The following GFRA3 variants were observed in gnomAD, a reference collection of about 807,000 sequenced individuals.
The protein encoded by GFRA3 is GDNF family receptor alpha 3.
Under a neutral mutation model 40.0 loss-of-function variants are expected in GFRA3, and 24 were observed. The observed-to-expected ratio is 0.60, with a 90% confidence interval of 0.43 to 0.84. GFRA3 has a LOEUF of 0.84. GFRA3 is among the 40% of genes least tolerant of loss of function. The pLI, the probability that GFRA3 is intolerant of heterozygous loss-of-function variation, is 0.00. For synonymous variants in GFRA3, 203 were observed against 213.5 expected (o/e 0.95, Z 0.43); for missense variants, 405 against 530.6 (o/e 0.76, Z 2.33).
At chr5:138,272,538 G>A (rs550910147) in intron 1 of GFRA3, among the ~76,000 whole-genome samples, 22 of 151,064 alleles carry the variant, frequency 1.5e-4, no homozygotes, top group South Asian at 2.1e-4. Context: ...AGCTACTGGG[G>A]AGGCTGAGGC....
rs748575995 is a variant in GFRA3, at chr5:138,253,283, C to A, written c.1113+4G>T. 6.4e-7 allele frequency: 1 copy of A among 1,571,022 alleles called. No individual in the cohort carries two copies. The highest frequency in any genetic ancestry group is 8.7e-7 in the Non-Finnish European group (1 of 1,150,874). ...TCTGAGGGGTGTAACAGAGGAGGCC[C>A]TACCTGGTGTGCCATCACAGCAAAG... On this transcript the variant is annotated splice_donor_region_variant and intron_variant, in intron 7 of 7. Coordinates refer to ENST00000274721, the MANE Select transcript of GFRA3 (RefSeq NM_001496.4).
chr5:138,253,677 C>T (rs1755583629), intron 6 of GFRA3, 89 bp downstream of exon 6: 2 of 1,263,908 alleles, frequency 1.6e-6, no homozygotes, highest in South Asian at 2.7e-5. Context: ...ATGGATGGAA[C>T]CAGCCTGGGC....
In GFRA3 at chr5:138,257,710, G is replaced by T; in HGVS notation, c.714C>A (p.Asn238Lys). Reference sequence around the variant, plus strand: ...TGGGGGCCACAGGCGGCAGCGCGCAGTTGGGGGCGATGGTGTTGCGCCGGC... The same window carrying T: ...TGGGGGCCACAGGCGGCAGCGCGCATTTGGGGGCGATGGTGTTGCGCCGGC... ...GERRRNTIAP[N>K]CALPPVAPNC... Residue 238 changes from asparagine to lysine, a missense_variant, in exon 4 of 8, where the codon AAC (asparagine) becomes AAA (lysine). Asn to Lys is a moderately conservative substitution (Grantham distance 94, BLOSUM62 0). Transcript: ENST00000274721. 6.2e-7 allele frequency: 1 copy of T among 1,610,982 alleles called. No individual in the cohort carries two copies. The highest frequency in any genetic ancestry group is 1.3e-5 in the African/African-American group (1 of 74,980).
chr5:138,256,290 A>C (rs1265473563), intron 4 of GFRA3, among the ~76,000 whole-genome samples: 1 of 151,384 alleles, frequency 6.6e-6, no homozygotes, highest in African/African-American at 2.4e-5. Context: ...GCACTTTGGG[A>C]GGCTGAGGCG....
Position 138,254,089 on chromosome 5 carries a change from G to T in GFRA3, c.857C>A (p.Ser286Tyr). 6.2e-7 allele frequency: 1 copy of T among 1,612,512 alleles called. No individual in the cohort carries two copies. The highest frequency in any genetic ancestry group is 8.5e-7 in the Non-Finnish European group (1 of 1,178,642). ...DILGTCATEQSRCLRAYLGLI... is the reference protein window; with the variant it reads ...DILGTCATEQYRCLRAYLGLI... ...CCCCAGGTATGCTCGTAGACATCTG[G>T]ACTGCTCTGTTGCACAAGTTCCTAG... The change falls in exon 5 of 8, where the codon TCC becomes TAC. Residue 286 changes from serine to tyrosine, a missense_variant. Physicochemically the swap from Ser to Tyr is moderately radical, Grantham distance 144 (BLOSUM62 -2). Coordinates refer to ENST00000274721, the MANE Select transcript of GFRA3 (RefSeq NM_001496.4).
chr5:138,272,516 T>A (rs1755891130), intron 1 of GFRA3, among the ~76,000 whole-genome samples: 1 of 150,076 alleles, frequency 6.7e-6, no homozygotes, highest in Non-Finnish European at 1.5e-5. Context: ...GGTGGCACAC[T>A]ACTACAGTCC....
intron 1 of GFRA3, among the ~76,000 whole-genome samples, chr5:138,268,284 GAAAAAAA>G (rs60958894): frequency 3.0e-5 from 1 of 33,148 alleles, no homozygotes; most frequent in Admixed American, 6.1e-4. Context: ...GACTCCATCT[GAAAAAAA>G]AAAAAAAAAA....
At chr5:138,260,491 G>A (rs150965459) in intron 2 of GFRA3, among the ~76,000 whole-genome samples, 262 of 152,270 alleles carry the variant, frequency 1.7e-3, no homozygotes, top group African/African-American at 4.6e-3. Context: ...ATGGGGTGCC[G>A]GGCACGGTGG....
intron 4 of GFRA3, 39 bp from the exon 5 acceptor site, chr5:138,254,199 T>A: frequency 7.8e-7 from 1 of 1,280,964 alleles, no homozygotes. Context: ...TTTTTTTTTT[T>A]TTTTGAGATG....
At chr5:138,262,547 G>A (rs546061435) in intron 2 of GFRA3, among the ~76,000 whole-genome samples, 1 of 152,156 alleles carries the variant, frequency 6.6e-6, no homozygotes, top group South Asian at 2.1e-4. Flanking sequence ...CAACCTCCTG[G>A]ACTCAAGTGA....
At chr5:138,258,435 G>A (rs986896550) in intron 3 of GFRA3, among the ~76,000 whole-genome samples, 3 of 151,892 alleles carry the variant, frequency 2.0e-5, no homozygotes, top group African/African-American at 7.3e-5. Flanking sequence ...GCCCATCTCG[G>A]CCTCCCAAAG....
intron 2 of GFRA3, among the ~76,000 whole-genome samples, chr5:138,262,827 G>A (rs1319097126): frequency 1.3e-5 from 2 of 152,046 alleles, no homozygotes; most frequent in Non-Finnish European, 2.9e-5. Flanking sequence ...TGCTGAGTAC[G>A]TATAGGAAGC....
At position 138,271,925 on chromosome 5, in the gene GFRA3, G is replaced by T. The variant is rs1402532582; in HGVS notation, c.91+2409C>A. On this transcript the variant is annotated intron_variant, in intron 1 of 7. Transcript: ENST00000274721. ...TTTTTTTTTTTTTTTGTGTGTGTGT[G>T]TGTGTGTGTGTGTGTGTGTGGTTTG... 9.9e-5 allele frequency among the ~76,000 whole-genome samples: 12 copies of T among 121,770 alleles called. No homozygotes were observed. In the East Asian group the frequency reaches 1.6e-3, roughly 16 times the overall value. The allele number at this position is 121,770 out of a possible 152,430, so 79.9% of individuals were successfully genotyped here. A position where few individuals can be genotyped will look rare whatever the true frequency, so the allele number is the denominator to read the frequency against.
rs1165857286 is a variant in GFRA3, at chr5:138,257,576, C to A, written c.785+63G>T. 12 of 1,426,576 alleles carry A rather than the reference C, an allele frequency of 8.4e-6. No individual in the cohort carries two copies. In the East Asian group the frequency reaches 2.9e-4, roughly 35 times the overall value. 88.4% of individuals were successfully genotyped at this position (1,426,576 alleles called of 1,614,324 possible). ...GGTCAGACCCTGCTCAGCACAGGAA[C>A]GTGGCCAGGAAGGAGTGGCGTGTGC... On this transcript the variant is annotated intron_variant, in intron 4 of 7. Coordinates refer to ENST00000274721, the MANE Select transcript of GFRA3 (RefSeq NM_001496.4).
chr5:138,271,913 T>TTGTGTGTGTGTGTGTGTG (rs1554111238), intron 1 of GFRA3, among the ~76,000 whole-genome samples: 67 of 54,262 alleles, frequency 1.2e-3, no homozygotes, highest in South Asian at 2.2e-3. Context: ...TTTTTTTTTT[T>TTGTGTGTGTGTGTGTGTG]TGTGTGTGTG....
chr5:138,252,583 A>G lies in GFRA3; in HGVS notation c.*385T>C. 6.2e-6 allele frequency: 1 copy of G among 160,884 alleles called. No individual in the cohort carries two copies. The highest frequency in any genetic ancestry group is 6.2e-5 in the Admixed American group (1 of 16,098). 10.0% of individuals were successfully genotyped at this position (160,884 alleles called of 1,614,324 possible). On this transcript the variant is annotated 3_prime_UTR_variant, in exon 8 of 8. Coordinates refer to ENST00000274721, the MANE Select transcript of GFRA3 (RefSeq NM_001496.4). ...GGAGCCTTCTTCACAAAGGAGAATG[A>G]CTTTCTAGGCTGCCTCAGAACACCC...
Position 138,274,399 on chromosome 5 carries a change from G to A in GFRA3, c.26C>T (p.Pro9Leu). 7.6e-7 allele frequency: 1 copy of A among 1,313,992 alleles called. No homozygotes were observed. The allele number at this position is 1,313,992 out of a possible 1,614,324, so 81.4% of individuals were successfully genotyped here. A position where few individuals can be genotyped will look rare whatever the true frequency, so the allele number is the denominator to read the frequency against. MVRPLNPR[P>L]LPPVVLMLLL... is the part of the protein sequence containing the mutation. ...CAACATCAGGACTACGGGCGGCAGC[G>A]GTCGCGGGTTCAGGGGGCGCACCAT... Residue 9 changes from proline (P) to leucine (L), a missense_variant, in exon 1 of 8, where the codon CCG becomes CTG. Physicochemically the swap from Pro to Leu is moderately conservative, Grantham distance 98. Transcript: ENST00000274721.
chr5:138,262,987 C>A (rs990803707), intron 2 of GFRA3, among the ~76,000 whole-genome samples: 2 of 151,948 alleles, frequency 1.3e-5, no homozygotes, highest in Admixed American at 1.3e-4. Flanking sequence ...TTTTTCGAGA[C>A]AGAGTCTCGC....
chr5:138,262,863 A>C (rs1397219719), intron 2 of GFRA3, among the ~76,000 whole-genome samples: 5 of 152,138 alleles, frequency 3.3e-5, no homozygotes, highest in African/African-American at 9.7e-5. Context: ...TTAGTTCATA[A>C]GTTTTTAGAT....
Sources: gnomAD v4.1 joint callset for allele counts (sites outside exome capture counted in the v4.1 genomes callset) on GRCh38, gnomAD v4.1.1 for gene constraint, MANE v1.5 for transcripts, NCBI Gene and HGNC (gene_info 2026-07-23, HGNC 2026-07-21) for gene names.